CSTL1: variants seen among roughly 807,000 people sequenced by gnomAD.
CSTL1 encodes the protein cystatin like 1, also known as cystatin-like 1.
A neutral mutation model predicts 14.4 loss-of-function variants in CSTL1; 14 were observed. The ratio of observed to expected loss-of-function variants is 0.97; its 90% confidence interval spans 0.64 to 1.52. The LOEUF is 1.52. Among genes scored for constraint, CSTL1 ranks in the 40% most tolerant of loss-of-function variants. The pLI, the probability that CSTL1 is intolerant of heterozygous loss-of-function variation, is 0.00. For missense variants in CSTL1, 170 were observed against 168.7 expected (o/e 1.01, Z -0.04); for synonymous variants, 72 against 67.5 (o/e 1.07, Z -0.33).
chr20:23,445,488 G>A (rs1055324523), downstream of CSTL1, among the ~76,000 whole-genome samples: 1 of 152,044 alleles, frequency 6.6e-6, no homozygotes, highest in Non-Finnish European at 1.5e-5. Flanking sequence ...TGGACTCCTG[G>A]GCTCAAGTAA....
At chr20:23,453,228 G>A in the CSTL1 span, among the ~76,000 whole-genome samples, 1 of 151,406 alleles carries the variant, frequency 6.6e-6, no homozygotes, top group Non-Finnish European at 1.5e-5. Context: ...GGTGGGCACT[G>A]TGGGGAGGGG....
the CSTL1 span, chr20:23,451,939 G>A: frequency 1.3e-5 from 20 of 1,585,006 alleles, no homozygotes; most frequent in Non-Finnish European, 1.7e-6. Flanking sequence ...GCCAGGCGTG[G>A]GGGAGGCACA....
chr20:23,447,943 T>G (rs1303866633), downstream of CSTL1, among the ~76,000 whole-genome samples: 1 of 152,254 alleles, frequency 6.6e-6, no homozygotes, highest in Non-Finnish European at 1.5e-5. Flanking sequence ...AGTTCTTACT[T>G]TTTGAACATC....
the CSTL1 span, chr20:23,450,406 A>C: frequency 4.1e-6 from 3 of 726,272 alleles, no homozygotes; most frequent in East Asian, 5.4e-5. Flanking sequence ...CACGATCTTA[A>C]GAGAATATGT....
the CSTL1 span, chr20:23,451,820 T>A: frequency 2.0e-5 from 33 of 1,613,424 alleles, no homozygotes; most frequent in African/African-American, 4.1e-4. Flanking sequence ...CAATACCTTG[T>A]GAAGCTCCCT....
downstream of CSTL1, among the ~76,000 whole-genome samples, chr20:23,446,320 A>G (rs1163065245): frequency 6.6e-6 from 1 of 150,938 alleles, no homozygotes; most frequent in Non-Finnish European, 1.5e-5. Flanking sequence ...CCGTGGCACG[A>G]TCTTGGCTCA....
chr20:23,448,958 A>T (rs1006851519), downstream of CSTL1, among the ~76,000 whole-genome samples: 7 of 152,230 alleles, frequency 4.6e-5, no homozygotes, highest in African/African-American at 1.7e-4. Context: ...GTAGGTTAGC[A>T]TCATCCCAGG....
In CSTL1 at chr20:23,440,170, G is replaced by A; in HGVS notation, c.-98G>A. ...CAGGCCATCCCCCAGGAAAGCCTATGTTGGTGAGGGTTATGATGGGAGAAT... is the reference window on the plus strand; with the variant it reads ...CAGGCCATCCCCCAGGAAAGCCTATATTGGTGAGGGTTATGATGGGAGAAT... On this transcript the variant is annotated 5_prime_UTR_variant, in exon 2 of 4. It removes an upstream start codon present in the reference 5' UTR. Transcript: ENST00000347397. 1 of 1,263,486 alleles carries A rather than the reference G, an allele frequency of 7.9e-7. No homozygotes were observed. The highest frequency in any genetic ancestry group is 1.1e-6 in the Non-Finnish European group (1 of 879,306). The allele number at this position is 1,263,486 out of a possible 1,614,324, so 78.3% of individuals were successfully genotyped here. A position where few individuals can be genotyped will look rare whatever the true frequency, so the allele number is the denominator to read the frequency against.
chr20:23,446,369 C>T (rs1568636418), downstream of CSTL1, among the ~76,000 whole-genome samples: 3 of 152,138 alleles, frequency 2.0e-5, no homozygotes, highest in Non-Finnish European at 4.4e-5. Context: ...AATTCTTCTG[C>T]CTCAGCCTCC....
At chr20:23,448,702 C>T (rs1162181602), downstream of CSTL1, among the ~76,000 whole-genome samples, 1 of 152,130 alleles carries the variant, frequency 6.6e-6, no homozygotes, top group Non-Finnish European at 1.5e-5. Flanking sequence ...TTTTAATCTC[C>T]CCAAAAATAG....
intron 3 of CSTL1, 34 bp from the exon 4 acceptor site, chr20:23,444,737 T>C (rs1568635940): frequency 6.9e-7 from 1 of 1,447,316 alleles, no homozygotes; most frequent in Middle Eastern, 1.7e-4. Context: ...GAAAAATACT[T>C]CCCCCAAAGT....
intron 2 of CSTL1, chr20:23,440,883 AGTAGC>A: frequency 3.0e-6 from 1 of 333,208 alleles, no homozygotes; most frequent in Non-Finnish European, 5.8e-6. Flanking sequence ...CAGCCTCCCA[AGTAGC>A]TGAGATTACA....
At chr20:23,461,129 C>T in the CSTL1 span, among the ~76,000 whole-genome samples, 2 of 152,134 alleles carry the variant, frequency 1.3e-5, no homozygotes, top group African/African-American at 2.4e-5. Flanking sequence ...AAGGCAAGAC[C>T]CTCCATCAGC....
the CSTL1 span, among the ~76,000 whole-genome samples, chr20:23,452,201 C>A: frequency 6.6e-6 from 1 of 152,170 alleles, no homozygotes; most frequent in South Asian, 2.1e-4. Flanking sequence ...TAAACTTTTT[C>A]CGTAAAGGGC....
At chr20:23,459,156 G>A in the CSTL1 span, 1 of 152,252 alleles carries the variant, frequency 6.6e-6, no homozygotes, top group South Asian at 2.1e-4. Flanking sequence ...AGGCTAACAC[G>A]GATGCCACTG....
At chr20:23,458,877 G>A in the CSTL1 span, among the ~76,000 whole-genome samples, 6 of 152,016 alleles carry the variant, frequency 3.9e-5, no homozygotes, top group Non-Finnish European at 8.8e-5. Context: ...TAGACCATTT[G>A]GCCTCTTCTC....
chr20:23,459,657 A>G, the CSTL1 span, among the ~76,000 whole-genome samples: 2 of 152,174 alleles, frequency 1.3e-5, no homozygotes, highest in Non-Finnish European at 2.9e-5. Flanking sequence ...CATTCTTCAG[A>G]ACACCTGTCA....
At chr20:23,453,169 C>A in the CSTL1 span, among the ~76,000 whole-genome samples, 1 of 143,478 alleles carries the variant, frequency 7.0e-6, no homozygotes, top group Non-Finnish European at 1.5e-5. Flanking sequence ...GCTGGAGACA[C>A]GGGGAGATTG....
the CSTL1 span, among the ~76,000 whole-genome samples, chr20:23,457,223 G>A: frequency 3.3e-5 from 5 of 152,094 alleles, no homozygotes; most frequent in South Asian, 2.1e-4. Context: ...CAACCCAGCC[G>A]CTTCTTGGCT....
Sources: gnomAD v4.1 joint callset for allele counts (sites outside exome capture counted in the v4.1 genomes callset) on GRCh38, gnomAD v4.1.1 for gene constraint, MANE v1.5 for transcripts, NCBI Gene and HGNC (gene_info 2026-07-23, HGNC 2026-07-21) for gene names.